The following CHD1L variants were observed in gnomAD, a reference collection of about 807,000 sequenced individuals.
CHD1L encodes chromodomain helicase DNA binding protein 1 like.
CHD1L carries 118 observed loss-of-function variants against 115.9 expected under a neutral mutation model. That is an observed-to-expected ratio of 1.02 (90% confidence interval 0.88 to 1.19). The LOEUF (loss-of-function observed/expected upper bound fraction) is 1.19, where lower values mean the gene tolerates loss of function less well. Among genes scored for constraint, CHD1L ranks in the 50% most tolerant of loss-of-function variants. The pLI is 0.00. For synonymous variants in CHD1L, 411 were observed against 387.1 expected (o/e 1.06, Z -0.72); for missense variants, 1,179 against 1,065.3 (o/e 1.11, Z -1.49).
chr1:147,228,565 G>GA, the CHD1L span, among the ~76,000 whole-genome samples: 89 of 151,904 alleles, frequency 5.9e-4, no homozygotes, highest in Non-Finnish European at 1.2e-3. Flanking sequence ...TCTAGTTCTA[G>GA]ATCCCTGAGG....
chr1:147,195,805 C>T, the CHD1L span, among the ~76,000 whole-genome samples: 3 of 152,120 alleles, frequency 2.0e-5, no homozygotes, highest in Admixed American at 1.3e-4. Context: ...TTACCTGATA[C>T]AAGCATTCTT....
At position 147,242,698 on chromosome 1, in the gene CHD1L, G is replaced by T; in HGVS notation, c.-6G>T. ...GGCCGCGCGGGGCGGGGCCTCTACC[G>T]GCCCGATGGAGCGCGCGGGCGCTAC... is the stretch of plus-strand genomic sequence containing the variant. On this transcript the variant is annotated 5_prime_UTR_variant, in exon 1 of 23. Transcript: ENST00000369258. The T allele has an allele frequency of 3.2e-6, 4 of 1,262,346 alleles. No individual in the cohort carries two copies. Among genetic ancestry groups the T allele is most frequent in the Non-Finnish European group, 3.0e-6 (3 of 1,001,028 alleles). 78.2% of individuals were successfully genotyped at this position (1,262,346 alleles called of 1,614,324 possible). A position where few individuals can be genotyped will look rare whatever the true frequency, so the allele number is the denominator to read the frequency against.
the CHD1L span, among the ~76,000 whole-genome samples, chr1:147,229,206 C>A: frequency 6.6e-6 from 1 of 152,132 alleles, no homozygotes; most frequent in East Asian, 1.9e-4. Flanking sequence ...GGAAGGGATC[C>A]AGTTTCAGCT....
At chr1:147,212,352 C>T in the CHD1L span, 1 of 1,607,452 alleles carries the variant, frequency 6.2e-7, no homozygotes, top group Non-Finnish European at 8.5e-7. Flanking sequence ...GAAACTGAAG[C>T]TAGAGTTAAG....
chr1:147,276,945 T>C (rs1678723729), intron 14 of CHD1L, among the ~76,000 whole-genome samples: 1 of 152,114 alleles, frequency 6.6e-6, no homozygotes, highest in Middle Eastern at 3.2e-3. Flanking sequence ...AAGGGAGTAA[T>C]AAATGTCTGT....
At chr1:147,194,228 T>A in the CHD1L span, among the ~76,000 whole-genome samples, 3 of 152,320 alleles carry the variant, frequency 2.0e-5, no homozygotes, top group Middle Eastern at 0.01. Context: ...TAGTTAGGTC[T>A]TCTTGTTGAA....
intron 19 of CHD1L, among the ~76,000 whole-genome samples, chr1:147,288,883 A>C (rs1284329683): frequency 6.6e-6 from 1 of 152,152 alleles, no homozygotes; most frequent in African/African-American, 2.4e-5. Flanking sequence ...GAGAAGGGAA[A>C]AAGGCACCTC....
intron 18 of CHD1L, among the ~76,000 whole-genome samples, chr1:147,286,805 A>C (rs1307272678): frequency 6.6e-6 from 1 of 152,130 alleles, no homozygotes; most frequent in Non-Finnish European, 1.5e-5. Context: ...AAGACAAACA[A>C]ATCCTTTGAG....
chr1:147,234,356 A>G, the CHD1L span, among the ~76,000 whole-genome samples: 1 of 152,230 alleles, frequency 6.6e-6, no homozygotes, highest in Non-Finnish European at 1.5e-5. Context: ...TCACCCCAAC[A>G]GCATCCATTC....
At chr1:147,271,865 A>G (rs1157827886) in intron 11 of CHD1L, among the ~76,000 whole-genome samples, 6 of 152,362 alleles carry the variant, frequency 3.9e-5, no homozygotes, top group Non-Finnish European at 7.4e-5. Context: ...AGTTGAAACT[A>G]TCACACAGGA....
intron 14 of CHD1L, 80 bp downstream of exon 14, chr1:147,276,337 CACT>C: frequency 8.5e-7 from 1 of 1,171,334 alleles, no homozygotes; most frequent in Admixed American, 2.3e-5. Context: ...AAAGAACCAG[CACT>C]CACCCTCTCC....
the CHD1L span, chr1:147,179,365 G>T: frequency 6.3e-7 from 1 of 1,599,852 alleles, no homozygotes; most frequent in Non-Finnish European, 8.6e-7. Flanking sequence ...CAAGTATAAA[G>T]AACTTGGCGA....
At chr1:147,249,424 T>TTTTTTG (rs1667675198) in intron 1 of CHD1L, among the ~76,000 whole-genome samples, 1 of 148,454 alleles carries the variant, frequency 6.7e-6, no homozygotes, top group Admixed American at 6.7e-5. Flanking sequence ...TTTTTTTTTT[T>TTTTTTG]GAGATAGAGT....
chr1:147,190,214 C>T, the CHD1L span: 4 of 1,611,706 alleles, frequency 2.5e-6, no homozygotes, highest in Admixed American at 6.7e-5. Context: ...GATATTTCTG[C>T]CATCATTTCA....
the CHD1L span, chr1:147,187,215 C>T: frequency 6.2e-7 from 1 of 1,613,116 alleles, no homozygotes; most frequent in Non-Finnish European, 8.5e-7. Context: ...TGTAGTCTCC[C>T]TGAATGGTAT....
chr1:147,284,507 C>G lies in CHD1L; in HGVS notation c.1854+8C>G. ...CTCCGAAATAAAGGCAGTGTAAGAA[C>G]TGTTAATTTATTTAAAAGTTGTTCT... On this transcript the variant is annotated splice_region_variant and intron_variant, in intron 16 of 22. Coordinates refer to ENST00000369258, the MANE Select transcript of CHD1L (RefSeq NM_004284.6). 3 of 1,561,722 alleles carry G rather than the reference C, an allele frequency of 1.9e-6. No individual in the cohort carries two copies. Among genetic ancestry groups the G allele is most frequent in the Non-Finnish European group, 2.6e-6 (3 of 1,162,446 alleles).
the CHD1L span, among the ~76,000 whole-genome samples, chr1:147,174,099 C>G: frequency 8.5e-4 from 129 of 152,278 alleles, no homozygotes; most frequent in African/African-American, 3.0e-3. Context: ...AACAAATTCA[C>G]TACTCCCCTA....
intron 14 of CHD1L, among the ~76,000 whole-genome samples, chr1:147,279,561 A>G (rs1393523958): frequency 1.3e-5 from 2 of 152,212 alleles, no homozygotes; most frequent in African/African-American, 4.8e-5. Flanking sequence ...ACAAATTGCC[A>G]AAGAAAAGGA....
At chr1:147,182,781 A>G in the CHD1L span, among the ~76,000 whole-genome samples, 1 of 152,220 alleles carries the variant, frequency 6.6e-6, no homozygotes, top group Non-Finnish European at 1.5e-5. Flanking sequence ...CAAGGATGAC[A>G]TATATATACC....
Sources: allele counts gnomAD v4.1 joint callset (sites outside exome capture counted in the v4.1 genomes callset), GRCh38; gene constraint gnomAD v4.1.1; transcripts MANE v1.5; gene names NCBI Gene and HGNC (gene_info 2026-07-23, HGNC 2026-07-21).